Variants in SDK1 observed in about 807,000 individuals in gnomAD.
SDK1 encodes the protein sidekick cell adhesion molecule 1.
SDK1 carries 157 observed loss-of-function variants against 245.5 expected under a neutral mutation model. The observed-to-expected ratio is 0.64, with a 90% CI of 0.56 to 0.73. The LOEUF (loss-of-function observed/expected upper bound fraction) is 0.73. Among genes scored for constraint, SDK1 ranks in the 30% least tolerant of loss-of-function variants. SDK1 has a pLI of 0.00. For synonymous variants in SDK1, 1,647 were observed against 1,278.5 expected, an observed-to-expected ratio of 1.29 and a Z score of -6.15; for missense variants, 3,583 against 3,002.3, an observed-to-expected ratio of 1.19 and a Z score of -4.52.
At chr7:3,555,614 A>G (rs1485068609) in intron 1 of SDK1, among the ~76,000 whole-genome samples, 1 of 152,196 alleles carries the variant, frequency 6.6e-6, no homozygotes, top group African/African-American at 2.4e-5. Flanking sequence ...AGCAAAGGAA[A>G]ACAATCAACA....
intron 5 of SDK1, among the ~76,000 whole-genome samples, chr7:3,874,858 G>A (rs1288264117): frequency 6.6e-6 from 1 of 152,140 alleles, no homozygotes; most frequent in Non-Finnish European, 1.5e-5. Flanking sequence ...GAACATAGGG[G>A]AGATACGTCT....
intron 1 of SDK1, among the ~76,000 whole-genome samples, chr7:3,396,625 A>G (rs1401401595): frequency 6.6e-6 from 1 of 151,678 alleles, no homozygotes; most frequent in Non-Finnish European, 1.5e-5. Flanking sequence ...TCTTTCTAGT[A>G]ACAATTTTTG....
intron 4 of SDK1, among the ~76,000 whole-genome samples, chr7:3,792,801 C>T (rs1778845481): frequency 6.6e-6 from 1 of 152,160 alleles, no homozygotes; most frequent in African/African-American, 2.4e-5. Context: ...CCATTTGCTT[C>T]TCTGTACCTC....
rs189202147 is a variant in SDK1 at position 3,427,316 on chromosome 7, C to T, written c.298+125432C>T. Among the ~76,000 whole-genome samples the T allele has an allele frequency of 4.2e-3, 633 of 152,110 alleles. 17 individuals are homozygous for T. Among genetic ancestry groups the T allele is most frequent in the Admixed American group, 0.038 (576 of 15,268 alleles). ...GACGGATTGCCTGAGGTCAGGAGTT[C>T]GAGACCAGCCTGGCCAACATGATGA... On this transcript the variant is annotated intron_variant, in intron 1 of 44. Coordinates refer to ENST00000404826, the MANE Select transcript of SDK1 (RefSeq NM_152744.4).
chr7:4,019,244 T>C (rs1786673264), intron 17 of SDK1, among the ~76,000 whole-genome samples: 2 of 152,212 alleles, frequency 1.3e-5, no homozygotes, highest in South Asian at 2.1e-4. Flanking sequence ...CATAGGAAGC[T>C]GAACATTAGC....
At chr7:3,441,811 C>T (rs1256796525) in intron 1 of SDK1, among the ~76,000 whole-genome samples, 1 of 152,108 alleles carries the variant, frequency 6.6e-6, no homozygotes, top group Non-Finnish European at 1.5e-5. Context: ...CCATTATCTG[C>T]GTTTAAAATG....
chr7:3,524,374 G>T (rs1242657520), intron 1 of SDK1, among the ~76,000 whole-genome samples: 1 of 152,144 alleles, frequency 6.6e-6, no homozygotes, highest in Non-Finnish European at 1.5e-5. Flanking sequence ...ATGGAAGCGG[G>T]GAGATCAATT....
At chr7:4,072,991 G>C (rs1450126591) in intron 20 of SDK1, among the ~76,000 whole-genome samples, 1 of 152,232 alleles carries the variant, frequency 6.6e-6, no homozygotes, top group Non-Finnish European at 1.5e-5. Context: ...ATGAGGGCCA[G>C]GATGCAGACA....
At chr7:4,140,251 G>A (rs927900966) in intron 28 of SDK1, among the ~76,000 whole-genome samples, 7 of 152,112 alleles carry the variant, frequency 4.6e-5, no homozygotes, top group Non-Finnish European at 7.4e-5. Flanking sequence ...GCTGCATAGC[G>A]CTCTCCCTGG....
At chr7:4,239,352 A>T (rs1199351275) in intron 42 of SDK1, among the ~76,000 whole-genome samples, 1 of 152,242 alleles carries the variant, frequency 6.6e-6, no homozygotes, top group African/African-American at 2.4e-5. Flanking sequence ...CAGGTGCTAA[A>T]TGTGCTCTGT....
chr7:3,987,083 C>A, intron 13 of SDK1, 103 bp from the exon 14 acceptor site: 2 of 1,156,434 alleles, frequency 1.7e-6, no homozygotes, highest in Non-Finnish European at 2.5e-6. Flanking sequence ...TTATTCATTT[C>A]CCAAACATGA....
chr7:3,577,246 A>C (rs954286716), intron 1 of SDK1, among the ~76,000 whole-genome samples: 2 of 152,004 alleles, frequency 1.3e-5, no homozygotes, highest in African/African-American at 4.8e-5. Flanking sequence ...AAATCATCAC[A>C]TGGTCCCAGT....
intron 5 of SDK1, among the ~76,000 whole-genome samples, chr7:3,850,221 A>T (rs1474027864): frequency 6.6e-6 from 1 of 152,208 alleles, no homozygotes; most frequent in Non-Finnish European, 1.5e-5. Context: ...GCAAGCTAAG[A>T]AGCCTTCTTC....
At chr7:3,565,263 C>T (rs1179695600) in intron 1 of SDK1, among the ~76,000 whole-genome samples, 1 of 152,116 alleles carries the variant, frequency 6.6e-6, no homozygotes, top group Non-Finnish European at 1.5e-5. Context: ...GATAAAGCAT[C>T]TAAATTGCAT....
intron 5 of SDK1, among the ~76,000 whole-genome samples, chr7:3,847,594 C>T (rs1201365347): frequency 6.6e-6 from 1 of 152,196 alleles, no homozygotes; most frequent in Admixed American, 6.5e-5. Context: ...TTGACGCTGT[C>T]ATGCTCTCAT....
intron 5 of SDK1, among the ~76,000 whole-genome samples, chr7:3,935,547 G>A (rs1780127155): frequency 6.6e-6 from 1 of 152,018 alleles, no homozygotes; most frequent in Non-Finnish European, 1.5e-5. Flanking sequence ...AAAATAAGCT[G>A]ATTTAAAAAT....
At chr7:3,824,920 C>T (rs1039800287) in intron 5 of SDK1, among the ~76,000 whole-genome samples, 1 of 152,060 alleles carries the variant, frequency 6.6e-6, no homozygotes, top group Non-Finnish European at 1.5e-5. Flanking sequence ...AGATAAATTC[C>T]AGCATGTTCT....
rs1055843458 is a variant in SDK1 at position 4,126,822 on chromosome 7, T to C, written c.3824-559T>C. Reference sequence around the variant, plus strand: ...TGAATGCGATTTTCTCAGCTTTAGTTTTCTGATCGGTAGAAAAGGGGTAAC... The same window carrying C: ...TGAATGCGATTTTCTCAGCTTTAGTCTTCTGATCGGTAGAAAAGGGGTAAC... On this transcript the variant is annotated intron_variant, in intron 25 of 44. Coordinates refer to ENST00000404826, the MANE Select transcript of SDK1 (RefSeq NM_152744.4). Among the ~76,000 whole-genome samples, 13 of 152,358 alleles carry C rather than the reference T, an allele frequency of 8.5e-5. No individual in the cohort carries two copies. In the South Asian group the frequency reaches 1.0e-3, roughly 12 times the overall value.
chr7:3,311,061 ATAT>A (rs1779537726), intron 1 of SDK1, among the ~76,000 whole-genome samples: 1 of 152,036 alleles, frequency 6.6e-6, no homozygotes, highest in South Asian at 2.1e-4. Context: ...TTTTCCTGTA[ATAT>A]TAGGGAGTGA....
Sources: gnomAD v4.1 joint callset for allele counts (sites outside exome capture counted in the v4.1 genomes callset) on GRCh38, gnomAD v4.1.1 for gene constraint, MANE v1.5 for transcripts, NCBI Gene and HGNC (gene_info 2026-07-23, HGNC 2026-07-21) for gene names.